The following CCNJ variants were observed in gnomAD, a reference collection of about 807,000 sequenced individuals.
CCNJ encodes the protein cyclin-J.
A neutral mutation model predicts 41.4 loss-of-function variants in CCNJ; 12 were observed. The ratio of observed to expected loss-of-function variants is 0.29; its 90% CI spans 0.19 to 0.47. The LOEUF is 0.47. Ranked by LOEUF, CCNJ falls within the 20% of genes least tolerant of loss-of-function variation. CCNJ has a pLI of 1.00. For synonymous variants in CCNJ, 161 were observed against 173.4 expected (o/e 0.93, Z 0.56); for missense variants, 340 against 464.6 (o/e 0.73, Z 2.47).
At chr10:96,045,025 G>A (rs921895436) in intron 2 of CCNJ, among the ~76,000 whole-genome samples, 6 of 152,208 alleles carry the variant, frequency 3.9e-5, no homozygotes, top group Non-Finnish European at 5.9e-5. Flanking sequence ...AGCACTAAGT[G>A]ATAACTTCTT....
chr10:96,056,956 A>G lies in CCNJ; in HGVS notation c.536A>G (p.Tyr179Cys). ...PMICLEKTKL[Y>C]MAKYADYFLE... ...ATTTGCTTGGAAAAGACTAAACTCT[A>G]CATGGCCAAATATGCAGATTACTTC... The change falls in exon 4 of 6, where the codon TAC (tyrosine) becomes TGC (cysteine). Residue 179 changes from tyrosine to cysteine, a missense_variant. By Grantham distance (194) the Tyr-to-Cys change is radical. Around this residue, in one of 3 missense-constraint regions of CCNJ, gnomAD observed 137 missense variants for 252.9 expected, o/e 0.54. Coordinates refer to ENST00000465148, the MANE Select transcript of CCNJ (RefSeq NM_001134375.2). 3 of 1,614,106 alleles carry G rather than the reference A, an allele frequency of 1.9e-6. No homozygotes were observed. Among genetic ancestry groups the G allele is most frequent in the Non-Finnish European group, 8.5e-7 (1 of 1,180,016 alleles).
Position 96,057,260 on chromosome 10 carries a change from A to G in CCNJ, c.740+13A>G. On this transcript the variant is annotated intron_variant, in intron 5 of 5. Transcript: ENST00000465148. ...AACGACTGTTGATGTAAGCCTTTTT[A>G]TTCTTGTGTTTGTACTTTCTCATTA... 6.2e-7 allele frequency: 1 copy of G among 1,609,568 alleles called. No individual in the cohort carries two copies. The highest frequency in any genetic ancestry group is 8.5e-7 in the Non-Finnish European group (1 of 1,176,766).
chr10:96,044,332 C>T, intron 1 of CCNJ, 21 bp from the exon 2 acceptor site: 1 of 1,366,326 alleles, frequency 7.3e-7, no homozygotes, highest in African/African-American at 1.5e-5. Flanking sequence ...GCAGTGACCG[C>T]GCCTGGGGTG....
At chr10:96,044,834 T>C (rs573623740) in intron 2 of CCNJ, among the ~76,000 whole-genome samples, 6 of 152,374 alleles carry the variant, frequency 3.9e-5, no homozygotes, top group Non-Finnish European at 8.8e-5. Flanking sequence ...AAGTCGCTTT[T>C]GTACATAAAT....
chr10:96,049,475 CTTTTTCTTTTT>C (rs1227507957), intron 2 of CCNJ, among the ~76,000 whole-genome samples: 1 of 112,664 alleles, frequency 8.9e-6, no homozygotes, highest in Non-Finnish European at 1.8e-5. Flanking sequence ...TTTTCTTTTT[CTTTTTCTTTTT>C]TTTTTTTTTT....
In CCNJ at chr10:96,060,454, T is replaced by C. The variant is rs753137741; in HGVS notation, c.*2213T>C. ...CTTTTGGGAGGGTAGAATAAAATAATTGATTACTATTGCTGCATACCCGGG... is the reference window on the plus strand; with the variant it reads ...CTTTTGGGAGGGTAGAATAAAATAACTGATTACTATTGCTGCATACCCGGG... On this transcript the variant is annotated 3_prime_UTR_variant, in exon 6 of 6. Transcript: ENST00000465148. The C allele has an allele frequency of 4.6e-5, 7 of 152,700 alleles. No individual in the cohort carries two copies. Among genetic ancestry groups the C allele is most frequent in the East Asian group, 1.9e-4 (1 of 5,190 alleles). 9.5% of individuals were successfully genotyped at this position (152,700 alleles called of 1,614,324 possible). A position where few individuals can be genotyped will look rare whatever the true frequency, so the allele number is the denominator to read the frequency against.
At position 96,059,957 on chromosome 10, in the gene CCNJ, GATTT is replaced by G. The variant is rs1483737159; in HGVS notation, c.*1720_*1723del. 3.9e-5 allele frequency: 6 copies of G among 152,650 alleles called. No individual in the cohort carries two copies. The highest frequency in any genetic ancestry group is 7.2e-5 in the African/African-American group (3 of 41,526). The allele number at this position is 152,650 out of a possible 1,614,324, so 9.5% of individuals were successfully genotyped here. A position where few individuals can be genotyped will look rare whatever the true frequency, so the allele number is the denominator to read the frequency against. On this transcript the variant is annotated 3_prime_UTR_variant, in exon 6 of 6. Coordinates refer to ENST00000465148, the MANE Select transcript of CCNJ (RefSeq NM_001134375.2). The stretch of plus-strand genomic sequence containing the variant: ...TTTAGAGTACATAGGGCATGATGTG[GATTT>G]ATTAGTCTGGTAGATAAAATGAAAA...
At chr10:96,054,529 T>C (rs995739659) in intron 3 of CCNJ, among the ~76,000 whole-genome samples, 18 of 152,236 alleles carry the variant, frequency 1.2e-4, no homozygotes, top group Non-Finnish European at 2.2e-4. Flanking sequence ...AAGATCAATA[T>C]GCAAAGTCTT....
chr10:96,047,835 A>C (rs1332407299), intron 2 of CCNJ, among the ~76,000 whole-genome samples: 1 of 152,180 alleles, frequency 6.6e-6, no homozygotes, highest in Non-Finnish European at 1.5e-5. Context: ...TTTGTTACAT[A>C]GGTAAACGTT....
At chr10:96,055,858 GC>G (rs1170975217) in intron 3 of CCNJ, among the ~76,000 whole-genome samples, 1 of 152,152 alleles carries the variant, frequency 6.6e-6, no homozygotes, top group Non-Finnish European at 1.5e-5. Context: ...GGGGGATGGG[GC>G]TTTTTGTGGA....
intron 1 of CCNJ, 142 bp downstream of exon 1, chr10:96,043,861 T>G (rs559711558): frequency 7.9e-6 from 3 of 381,494 alleles, no homozygotes; most frequent in Admixed American, 4.5e-5. Context: ...CGTGCGTTTC[T>G]CGGGGCTCCC....
rs1405887957 is a variant in CCNJ, at chr10:96,059,022, T to G, written c.*781T>G. The G allele has an allele frequency of 6.5e-6, 1 of 152,744 alleles. No individual in the cohort carries two copies. The highest frequency in any genetic ancestry group is 1.5e-5 in the Non-Finnish European group (1 of 68,086). 9.5% of individuals were successfully genotyped at this position (152,744 alleles called of 1,614,324 possible). On this transcript the variant is annotated 3_prime_UTR_variant, in exon 6 of 6. Coordinates refer to ENST00000465148, the MANE Select transcript of CCNJ (RefSeq NM_001134375.2). ...AACATGCCTTGGGAATGTTATAGTGTGAACTACCTTTATAACATAGGTTAA... is the reference window on the plus strand; with the variant it reads ...AACATGCCTTGGGAATGTTATAGTGGGAACTACCTTTATAACATAGGTTAA...
In CCNJ at chr10:96,058,367, C is replaced by T. The variant is rs144164221; in HGVS notation, c.*126C>T. 7,114 of 713,464 alleles carry T rather than the reference C, an allele frequency of 1.0e-2. 219 individuals are homozygous for T. The highest frequency in any genetic ancestry group is 0.068 in the Admixed American group (2,545 of 37,462). 44.2% of individuals were successfully genotyped at this position (713,464 alleles called of 1,614,324 possible). On this transcript the variant is annotated 3_prime_UTR_variant, in exon 6 of 6. Coordinates refer to ENST00000465148, the MANE Select transcript of CCNJ (RefSeq NM_001134375.2). ...CATCAGAACTCTTCAGGTACCAGCA[C>T]CAGGAAGACTGAATATCCTTTTTAA...
At position 96,058,266 on chromosome 10, in the gene CCNJ, C is replaced by A; in HGVS notation, c.*25C>A. The A allele has an allele frequency of 6.3e-7, 1 of 1,590,304 alleles. No homozygotes were observed. The highest frequency in any genetic ancestry group is 8.6e-7 in the Non-Finnish European group (1 of 1,165,606). On this transcript the variant is annotated 3_prime_UTR_variant, in exon 6 of 6. Transcript: ENST00000465148. Reference sequence around the variant, plus strand: ...ATTATTTGTGAAGCTGATAACCGACCCAGACTGCTTTGTGACATGAAGCTA... The same window carrying A: ...ATTATTTGTGAAGCTGATAACCGACACAGACTGCTTTGTGACATGAAGCTA...
chr10:96,054,350 A>AGGAATGCAGGTAC (rs1477598289), intron 3 of CCNJ, among the ~76,000 whole-genome samples: 2 of 152,226 alleles, frequency 1.3e-5, no homozygotes, highest in Non-Finnish European at 2.9e-5. Context: ...AACTATAGAT[A>AGGAATGCAGGTAC]GGAATGCAGG....
chr10:96,043,295 C>T, upstream of CCNJ: 1 of 286,694 alleles, frequency 3.5e-6, no homozygotes, highest in Non-Finnish European at 6.4e-6. Flanking sequence ...CTCCGGCGCT[C>T]TCTGCCGACC....
At position 96,056,906 on chromosome 10, in the gene CCNJ, A is replaced by G; in HGVS notation, c.486A>G (p.Thr162=). ...ATCTCTCTGAAGCAGTACACGAAAC[A>G]GATCTTCATGACGGCTGGCCAATGA... ...EYYLSEAVHE[T]DLHDGWPMIC... Residue 162 remains threonine (T), a synonymous_variant, in exon 4 of 6, where the codon ACA becomes ACG. Transcript: ENST00000465148. 1 of 1,614,186 alleles carries G rather than the reference A, an allele frequency of 6.2e-7. No homozygotes were observed. Among genetic ancestry groups the G allele is most frequent in the Middle Eastern group, 1.6e-4 (1 of 6,062 alleles).
At chr10:96,055,178 G>A (rs1245134964) in intron 3 of CCNJ, among the ~76,000 whole-genome samples, 1 of 152,144 alleles carries the variant, frequency 6.6e-6, no homozygotes, top group African/African-American at 2.4e-5. Context: ...CTAGATTCAA[G>A]TCTGAATTAC....
intron 3 of CCNJ, among the ~76,000 whole-genome samples, chr10:96,054,372 CATT>C (rs1411255058): frequency 1.3e-5 from 2 of 152,152 alleles, no homozygotes; most frequent in African/African-American, 4.8e-5. Flanking sequence ...ACTCAATTGA[CATT>C]ATCACACTTT....
Sources: allele counts gnomAD v4.1 joint callset (sites outside exome capture counted in the v4.1 genomes callset), GRCh38; gene constraint gnomAD v4.1.1; regional missense constraint gnomAD v4.1.1; transcripts MANE v1.5; gene names NCBI Gene and HGNC (gene_info 2026-07-23, HGNC 2026-07-21).